The following RNF169 variants were observed in gnomAD, a reference collection of about 807,000 sequenced individuals.
RNF169 encodes the protein ring finger protein 169.
In RNF169, 24 loss-of-function variants were observed where a neutral mutation model predicts 53.9. The observed-to-expected ratio is 0.45, with a 90% confidence interval of 0.32 to 0.63. The LOEUF is 0.63. RNF169 is among the 20% of genes least tolerant of loss of function. The pLI, the probability that RNF169 is intolerant of heterozygous loss-of-function variation, is 0.04. For missense variants in RNF169, 883 were observed against 906.2 expected (o/e 0.97, Z 0.33); for synonymous variants, 396 against 363.5 (o/e 1.09, Z -1.02).
chr11:74,809,407 A>G (rs573305288), intron 2 of RNF169, among the ~76,000 whole-genome samples: 1 of 152,338 alleles, frequency 6.6e-6, no homozygotes, highest in South Asian at 2.1e-4. Flanking sequence ...CCCTCTTTTG[A>G]AGACAAGCAA....
intron 1 of RNF169, among the ~76,000 whole-genome samples, chr11:74,774,298 A>G (rs947560923): frequency 2.6e-5 from 4 of 151,564 alleles, no homozygotes; most frequent in South Asian, 2.1e-4. Flanking sequence ...GTGAGCCGAG[A>G]TGACACTACT....
At chr11:74,789,126 T>C (rs547449243) in intron 1 of RNF169, among the ~76,000 whole-genome samples, 88 of 152,332 alleles carry the variant, frequency 5.8e-4, no homozygotes, top group African/African-American at 2.1e-3. Context: ...GTCTAACAAT[T>C]CCGTAGTGGT....
rs550919357 is a variant in RNF169 at position 74,840,469 on chromosome 11, A to G, written c.*3739A>G. 6.6e-6 allele frequency: 1 copy of G among 152,326 alleles called. No homozygotes were observed. Among genetic ancestry groups the G allele is most frequent in the South Asian group, 2.1e-4 (1 of 4,830 alleles). The allele number at this position is 152,326 out of a possible 1,614,324, so 9.4% of individuals were successfully genotyped here. Reference sequence around the variant, plus strand: ...GAATGAATTTTCTCCTCTAGTGATTACAGGACATTAACATCTCTTCAGAAG... The same window carrying G: ...GAATGAATTTTCTCCTCTAGTGATTGCAGGACATTAACATCTCTTCAGAAG... On this transcript the variant is annotated 3_prime_UTR_variant, in exon 6 of 6. Coordinates refer to ENST00000299563, the MANE Select transcript of RNF169 (RefSeq NM_001098638.2).
In RNF169 at chr11:74,836,764, C is replaced by CTTA; in HGVS notation, c.*35_*37dup. On this transcript the variant is annotated 3_prime_UTR_variant, in exon 6 of 6. Transcript: ENST00000299563. ...GAAGTGTTACCTATTTTTAAAAGGT[C>CTTA]TTAGGCCTTGATCATTTATCCTGAA... 1 of 1,482,964 alleles carries CTTA rather than the reference C, an allele frequency of 6.7e-7. No homozygotes were observed. Among genetic ancestry groups the CTTA allele is most frequent in the Non-Finnish European group, 9.2e-7 (1 of 1,091,332 alleles). The allele number at this position is 1,482,964 out of a possible 1,614,324, so 91.9% of individuals were successfully genotyped here.
intron 2 of RNF169, among the ~76,000 whole-genome samples, chr11:74,803,270 A>G (rs2035759979): frequency 6.6e-6 from 1 of 152,074 alleles, no homozygotes; most frequent in Non-Finnish European, 1.5e-5. Context: ...TATTTTTAGT[A>G]GAGACGGGGT....
At chr11:74,779,772 T>A (rs963789035) in intron 1 of RNF169, among the ~76,000 whole-genome samples, 52 of 152,204 alleles carry the variant, frequency 3.4e-4, no homozygotes, top group African/African-American at 1.2e-3. Flanking sequence ...ATTTTAAACA[T>A]TAAAGTTTCT....
chr11:74,773,832 TAGG>T (rs1430059271), intron 1 of RNF169, among the ~76,000 whole-genome samples: 3 of 152,298 alleles, frequency 2.0e-5, no homozygotes, highest in South Asian at 2.1e-4. Flanking sequence ...ATGAGGATAA[TAGG>T]AGCTATTTTG....
intron 4 of RNF169, among the ~76,000 whole-genome samples, chr11:74,825,940 C>G (rs2036089221): frequency 6.6e-6 from 1 of 152,114 alleles, no homozygotes; most frequent in South Asian, 2.1e-4. Context: ...AGGAAACTTA[C>G]AATCATGGCA....
intron 2 of RNF169, among the ~76,000 whole-genome samples, chr11:74,792,399 A>G (rs867281306): frequency 2.0e-5 from 3 of 152,170 alleles, no homozygotes; most frequent in Middle Eastern, 3.4e-3. Context: ...ACATAGTAAG[A>G]GTAGGGTTTC....
chr11:74,810,364 T>C, intron 3 of RNF169, 34 bp downstream of exon 3: 1 of 1,607,774 alleles, frequency 6.2e-7, no homozygotes, highest in Non-Finnish European at 8.5e-7. Flanking sequence ...GATACCTGCC[T>C]CAAAAATCAG....
intron 2 of RNF169, among the ~76,000 whole-genome samples, chr11:74,799,704 TATGTA>T (rs1338694783): frequency 2.6e-5 from 4 of 152,100 alleles, no homozygotes; most frequent in Non-Finnish European, 4.4e-5. Context: ...TTTGTTAAAA[TATGTA>T]ATGAGTGAAG....
chr11:74,793,657 T>C (rs887908944), intron 2 of RNF169, among the ~76,000 whole-genome samples: 4 of 152,216 alleles, frequency 2.6e-5, no homozygotes. Context: ...ACATCCTTTC[T>C]AGCCAGAGGC....
At chr11:74,833,078 C>T (rs911796348) in intron 4 of RNF169, among the ~76,000 whole-genome samples, 2 of 152,136 alleles carry the variant, frequency 1.3e-5, no homozygotes, top group African/African-American at 2.4e-5. Flanking sequence ...TACAGGCTGG[C>T]CACCTCTTTC....
At chr11:74,758,373 C>T (rs1162265462) in intron 1 of RNF169, among the ~76,000 whole-genome samples, 1 of 147,228 alleles carries the variant, frequency 6.8e-6, no homozygotes, top group African/African-American at 2.6e-5. Context: ...TGTTTTGGTA[C>T]CAGTACCATG....
chr11:74,766,603 A>G (rs1401143091), intron 1 of RNF169, among the ~76,000 whole-genome samples: 2 of 152,228 alleles, frequency 1.3e-5, no homozygotes, highest in African/African-American at 2.4e-5. Context: ...ATTTGCTTCA[A>G]AATAACTTCA....
intron 3 of RNF169, among the ~76,000 whole-genome samples, chr11:74,813,837 C>T (rs1425683057): frequency 1.3e-5 from 2 of 152,138 alleles, no homozygotes; most frequent in African/African-American, 4.8e-5. Context: ...ACTACAGGCA[C>T]GTGCCACCAC....
rs757370612 is a variant in RNF169, at chr11:74,748,869, A to G, written c.-12A>G. On this transcript the variant is annotated 5_prime_UTR_variant, in exon 1 of 6. Transcript: ENST00000299563. ...CCCTCGCAACCGACTCTCCCTTCAA[A>G]CGGGAAACAAGATGGCGGCTGCAGG... 4 of 1,401,694 alleles carry G rather than the reference A, an allele frequency of 2.9e-6. No homozygotes were observed. The East Asian group carries it at 1.1e-4, about 40-fold the overall frequency. The allele number at this position is 1,401,694 out of a possible 1,614,324, so 86.8% of individuals were successfully genotyped here.
intron 2 of RNF169, among the ~76,000 whole-genome samples, chr11:74,808,887 C>T (rs2035838257): frequency 6.6e-6 from 1 of 152,142 alleles, no homozygotes; most frequent in Admixed American, 6.6e-5. Context: ...TCCTTTCCTC[C>T]GTGTTCCTGT....
intron 1 of RNF169, among the ~76,000 whole-genome samples, chr11:74,776,725 A>G (rs2035341825): frequency 6.6e-6 from 1 of 152,178 alleles, no homozygotes; most frequent in Admixed American, 6.5e-5. Context: ...GAAAACTGCA[A>G]AGGAGAGAGC....
Sources: allele counts gnomAD v4.1 joint callset (sites outside exome capture counted in the v4.1 genomes callset), GRCh38; gene constraint gnomAD v4.1.1; transcripts MANE v1.5; gene names NCBI Gene and HGNC (gene_info 2026-07-23, HGNC 2026-07-21).